CSMD1: variants seen among roughly 807,000 people sequenced by gnomAD.
CSMD1 encodes the protein CUB and Sushi multiple domains 1.
Under a neutral mutation model 417.5 loss-of-function variants are expected in CSMD1, and 213 were observed. That is an observed-to-expected ratio of 0.51 (90% CI 0.46 to 0.57). CSMD1 has a LOEUF of 0.57. Ranked by LOEUF, CSMD1 falls within the 20% of genes least tolerant of loss-of-function variation. CSMD1 has a pLI of 0.00. For missense variants in CSMD1, 6,923 were observed against 4,529.7 expected, an observed-to-expected ratio of 1.53 and a Z score of -15.17; for synonymous variants, 2,862 against 1,736.8, an observed-to-expected ratio of 1.65 and a Z score of -16.11.
At chr8:3,667,236 C>A (rs941419294) in intron 7 of CSMD1, among the ~76,000 whole-genome samples, 1 of 151,986 alleles carries the variant, frequency 6.6e-6, no homozygotes, top group African/African-American at 2.4e-5. Context: ...ATAGTCCCTA[C>A]ATTATATTAA....
intron 49 of CSMD1, among the ~76,000 whole-genome samples, chr8:3,066,139 C>T (rs1812924308): frequency 6.6e-6 from 1 of 152,184 alleles, no homozygotes; most frequent in Admixed American, 6.5e-5. Context: ...AGGTCTGTCC[C>T]TGCTTCCAAG....
At chr8:3,079,576 C>G (rs574963516) in intron 49 of CSMD1, among the ~76,000 whole-genome samples, 57 of 152,292 alleles carry the variant, frequency 3.7e-4, no homozygotes, top group Admixed American at 1.2e-3. Flanking sequence ...TTAAGATTTA[C>G]AAAATATCTC....
At chr8:2,946,498 T>A (rs1781500659) in intron 68 of CSMD1, among the ~76,000 whole-genome samples, 1 of 152,188 alleles carries the variant, frequency 6.6e-6, no homozygotes, top group Admixed American at 6.5e-5. Context: ...CTATTTGGCC[T>A]TTTTTTATCT....
At chr8:4,490,597 A>G (rs946860658) in intron 2 of CSMD1, among the ~76,000 whole-genome samples, 1 of 152,210 alleles carries the variant, frequency 6.6e-6, no homozygotes, top group Non-Finnish European at 1.5e-5. Context: ...ATCACAAACA[A>G]GAGAAAGAAA....
chr8:4,916,633 A>C (rs926419475), intron 1 of CSMD1, among the ~76,000 whole-genome samples: 4 of 152,172 alleles, frequency 2.6e-5, no homozygotes, highest in African/African-American at 9.7e-5. Context: ...TGTAGTAATA[A>C]CCTCCAATAA....
intron 32 of CSMD1, 28 bp from the exon 33 acceptor site, chr8:3,199,837 G>A: frequency 1.4e-6 from 2 of 1,418,812 alleles, no homozygotes; most frequent in Non-Finnish European, 2.0e-6. Context: ...GACAGATTCA[G>A]AAAACACACA....
chr8:3,948,149 C>G (rs1479742750), intron 5 of CSMD1, among the ~76,000 whole-genome samples: 2 of 152,102 alleles, frequency 1.3e-5, no homozygotes, highest in African/African-American at 4.8e-5. Context: ...AGGTTGCAGT[C>G]AGCTGAGATT....
At chr8:4,636,517 A>C (rs1802821178) in intron 2 of CSMD1, among the ~76,000 whole-genome samples, 1 of 152,176 alleles carries the variant, frequency 6.6e-6, no homozygotes, top group Non-Finnish European at 1.5e-5. Context: ...TGACAACATA[A>C]GGGTTCATTT....
chr8:3,728,731 G>A (rs765621639), intron 6 of CSMD1, among the ~76,000 whole-genome samples: 2 of 152,088 alleles, frequency 1.3e-5, no homozygotes, highest in Admixed American at 6.5e-5. Flanking sequence ...TGGTGGGCAT[G>A]GTCTGTCTTA....
intron 3 of CSMD1, among the ~76,000 whole-genome samples, chr8:4,135,110 A>T (rs1803337155): frequency 6.6e-6 from 1 of 152,206 alleles, no homozygotes; most frequent in Non-Finnish European, 1.5e-5. Flanking sequence ...AAATAATTGC[A>T]TAAATGTTCT....
At chr8:4,851,948 G>C (rs943375800) in intron 1 of CSMD1, among the ~76,000 whole-genome samples, 1 of 152,162 alleles carries the variant, frequency 6.6e-6, no homozygotes, top group Admixed American at 6.5e-5. Flanking sequence ...TACACAGGCT[G>C]AGTAAACCAC....
rs565244723 is a variant in CSMD1, at chr8:4,398,554, C to A, written c.415+21399G>T. On this transcript the variant is annotated intron_variant, in intron 3 of 69. Coordinates refer to ENST00000635120, the MANE Select transcript of CSMD1 (RefSeq NM_033225.6). ...GACTACAGGCGCCCGCCACCATGCC[C>A]GGCCAAATTTTTTTGTATTTTTAGT... Among the ~76,000 whole-genome samples the A allele has an allele frequency of 1.5e-4, 23 of 151,850 alleles. No homozygotes were observed. The East Asian group carries it at 2.9e-3, about 19-fold the overall frequency.
At chr8:4,219,060 A>G (rs184892325) in intron 3 of CSMD1, among the ~76,000 whole-genome samples, 1 of 152,170 alleles carries the variant, frequency 6.6e-6, no homozygotes, top group African/African-American at 2.4e-5. Flanking sequence ...CGTTAGAGGT[A>G]CACCGTCTAC....
chr8:3,119,539 G>A (rs1245616292), intron 41 of CSMD1, among the ~76,000 whole-genome samples: 1 of 152,034 alleles, frequency 6.6e-6, no homozygotes, highest in Non-Finnish European at 1.5e-5. Context: ...GATAATAAAT[G>A]TTTGCAGTCT....
intron 3 of CSMD1, among the ~76,000 whole-genome samples, chr8:4,038,937 G>A (rs544136209): frequency 2.0e-5 from 3 of 152,048 alleles, no homozygotes; most frequent in East Asian, 1.9e-4. Context: ...AAGTACATAT[G>A]GTCACAATTC....
chr8:4,002,677 C>T (rs1429404419), intron 4 of CSMD1, among the ~76,000 whole-genome samples: 2 of 152,130 alleles, frequency 1.3e-5, no homozygotes, highest in Non-Finnish European at 2.9e-5. Flanking sequence ...AAATGGGAAC[C>T]ATTATCCCTG....
chr8:3,873,282 A>C (rs906314623), intron 5 of CSMD1, among the ~76,000 whole-genome samples: 4 of 152,216 alleles, frequency 2.6e-5, no homozygotes, highest in African/African-American at 9.6e-5. Context: ...TATTCACAAT[A>C]GCAAAGACAT....
intron 3 of CSMD1, among the ~76,000 whole-genome samples, chr8:4,073,301 T>G (rs1585254484): frequency 1.3e-5 from 2 of 152,220 alleles, no homozygotes; most frequent in South Asian, 4.1e-4. Context: ...GTAAAGAAAT[T>G]TAGCTGAAGT....
chr8:4,849,661 T>G (rs940144892), intron 1 of CSMD1, among the ~76,000 whole-genome samples: 4 of 152,298 alleles, frequency 2.6e-5, no homozygotes, highest in African/African-American at 7.2e-5. Flanking sequence ...TGTATTATAG[T>G]TGTCCATATT....
Sources: gnomAD v4.1 joint callset for allele counts (sites outside exome capture counted in the v4.1 genomes callset) on GRCh38, gnomAD v4.1.1 for gene constraint, MANE v1.5 for transcripts, NCBI Gene and HGNC (gene_info 2026-07-23, HGNC 2026-07-21) for gene names.